INPP4A: variants seen among roughly 807,000 people sequenced by gnomAD.
INPP4A encodes inositol polyphosphate-4-phosphatase, type I, 107kD.
Under a neutral mutation model 119.8 loss-of-function variants are expected in INPP4A, and 33 were observed. That is an observed-to-expected ratio of 0.28 (90% CI 0.21 to 0.37). The LOEUF (loss-of-function observed/expected upper bound fraction) is 0.37, where lower values mean the gene tolerates loss of function less well. Among genes scored for constraint, INPP4A ranks in the 10% least tolerant of loss-of-function variants. The probability of loss-of-function intolerance (pLI) is 1.00; values close to 1 mark genes in which losing one functional copy is unlikely to be tolerated. For missense variants in INPP4A, 956 were observed against 1,289.9 expected (o/e 0.74, Z 3.97); for synonymous variants, 496 against 500.7 (o/e 0.99, Z 0.12).
intron 24 of INPP4A, chr2:98,581,632 G>A (rs776696470): frequency 4.9e-5 from 77 of 1,577,500 alleles, no homozygotes; most frequent in South Asian, 1.2e-4. Context: ...GTGCCCATCC[G>A]AGACTTAAGG....
chr2:98,517,786 A>G (rs1686428808), intron 1 of INPP4A, among the ~76,000 whole-genome samples: 1 of 152,324 alleles, frequency 6.6e-6, no homozygotes, highest in African/African-American at 2.4e-5. Context: ...CATGTTCTAT[A>G]CTATTGGCAA....
rs781715675 is a variant in INPP4A, at chr2:98,546,752, A to G, written c.1163+58A>G. The G allele has an allele frequency of 7.3e-6, 8 of 1,090,890 alleles. No homozygotes were observed. Among genetic ancestry groups the G allele is most frequent in the Middle Eastern group, 2.0e-4 (1 of 5,036 alleles). The allele number at this position is 1,090,890 out of a possible 1,614,324, so 67.6% of individuals were successfully genotyped here. ...ACAGCTTTCTGATGCTTCTTTTCTCAGTTTAAAATAAAATCAAAATATGAC... is the reference window on the plus strand; with the variant it reads ...ACAGCTTTCTGATGCTTCTTTTCTCGGTTTAAAATAAAATCAAAATATGAC... On this transcript the variant is annotated intron_variant, in intron 13 of 24. Coordinates refer to ENST00000409851, the MANE Select transcript of INPP4A (RefSeq NM_001134225.2). This position sits in a 1 kb window ranked among gnomAD's most constrained non-coding sequence, Gnocchi z 4.2.
chr2:98,506,621 TCTC>T (rs1272324354), intron 1 of INPP4A, among the ~76,000 whole-genome samples: 2 of 152,200 alleles, frequency 1.3e-5, no homozygotes, highest in Non-Finnish European at 2.9e-5. Context: ...AAGTTCTTGG[TCTC>T]CTCCTCTCTT....
chr2:98,581,948 T>C, intron 24 of INPP4A: 1 of 944,072 alleles, frequency 1.1e-6, no homozygotes, highest in Non-Finnish European at 1.5e-6. Flanking sequence ...CAAGAAGACT[T>C]GTTTGTTTAG....
rs1400664436 is a variant in INPP4A, at chr2:98,567,421, C to T, written c.2421-1150C>T. 7.9e-5 allele frequency among the ~76,000 whole-genome samples: 12 copies of T among 152,116 alleles called. 1 individual carries two copies. The highest frequency in any genetic ancestry group is 7.2e-4 in the Admixed American group (11 of 15,288). On this transcript the variant is annotated intron_variant, in intron 21 of 24. Coordinates refer to ENST00000409851, the MANE Select transcript of INPP4A (RefSeq NM_001134225.2). ...TGGGTTTGGACTGAGGGCACCAGCC[C>T]AGGAAGCAAAGCCCCAAAGGTGTGA...
intron 1 of INPP4A, among the ~76,000 whole-genome samples, chr2:98,465,802 C>T (rs1249184574): frequency 6.6e-6 from 1 of 152,164 alleles, no homozygotes; most frequent in Non-Finnish European, 1.5e-5. Flanking sequence ...GGCTGAGCCC[C>T]TGTTCCTGTG....
rs762368797 is a variant in INPP4A at position 98,533,359 on chromosome 2, C to T, written c.152-18C>T. 2.0e-6 allele frequency: 3 copies of T among 1,516,078 alleles called. No individual in the cohort carries two copies. Among genetic ancestry groups the T allele is most frequent in the Admixed American group, 1.7e-5 (1 of 59,858 alleles). 93.9% of individuals were successfully genotyped at this position (1,516,078 alleles called of 1,614,324 possible). A position where few individuals can be genotyped will look rare whatever the true frequency, so the allele number is the denominator to read the frequency against. On this transcript the variant is annotated intron_variant, in intron 4 of 24. Coordinates refer to ENST00000409851, the MANE Select transcript of INPP4A (RefSeq NM_001134225.2). Reference sequence around the variant, plus strand: ...CTGGTTTTAAAGGATTCATTTCTTTCCCGTGTTGATTCTGTAGCTTGCAGT... The same window carrying T: ...CTGGTTTTAAAGGATTCATTTCTTTTCCGTGTTGATTCTGTAGCTTGCAGT...
In INPP4A at chr2:98,514,492, G is replaced by A. The variant is rs186153764; in HGVS notation, c.-165-4472G>A. ...TGGTTGCCAGGGTAACCAATCCCAT[G>A]ATTAGAGGGCTGGAATTTACAGTCT... On this transcript the variant is annotated intron_variant, in intron 1 of 24. Transcript: ENST00000409851. Among the ~76,000 whole-genome samples, 432 of 152,266 alleles carry A rather than the reference G, an allele frequency of 2.8e-3. 2 individuals carry two copies. Among genetic ancestry groups the A allele is most frequent in the African/African-American group, 9.8e-3 (405 of 41,538 alleles).
intron 1 of INPP4A, among the ~76,000 whole-genome samples, chr2:98,477,741 C>T (rs1165407743): frequency 1.3e-5 from 2 of 152,248 alleles, no homozygotes; most frequent in Non-Finnish European, 2.9e-5. Context: ...CTCTACCTCA[C>T]CCTGCCTTTT....
In INPP4A at chr2:98,589,926, T is replaced by G. The variant is rs1054236570; in HGVS notation, c.*2318T>G. 5.1e-6 allele frequency: 1 copy of G among 196,992 alleles called. No individual in the cohort carries two copies. Among genetic ancestry groups the G allele is most frequent in the African/African-American group, 2.3e-5 (1 of 43,238 alleles). 12.2% of individuals were successfully genotyped at this position (196,992 alleles called of 1,614,324 possible). A position where few individuals can be genotyped will look rare whatever the true frequency, so the allele number is the denominator to read the frequency against. ...CTACAGAGCACAGTTGCCTTTAGTT[T>G]CCTTTAAAGATGTAAAAATATTGTA... is the stretch of plus-strand genomic sequence containing the variant. On this transcript the variant is annotated 3_prime_UTR_variant, in exon 25 of 25. Coordinates refer to ENST00000409851, the MANE Select transcript of INPP4A (RefSeq NM_001134225.2).
chr2:98,558,268 C>T (rs1259420572), intron 16 of INPP4A, among the ~76,000 whole-genome samples: 1 of 152,166 alleles, frequency 6.6e-6, no homozygotes, highest in Non-Finnish European at 1.5e-5. Context: ...GCTCCTAGAC[C>T]TTCCTCCTCA....
rs752878023 is a variant in INPP4A, at chr2:98,552,847, A to C, written c.1225A>C (p.Ile409Leu). Residue 409 changes from isoleucine to leucine, a missense_variant, in exon 14 of 25, where the codon ATC becomes CTC. By Grantham distance (5) the Ile-to-Leu change is conservative. Transcript: ENST00000409851. ...IPQDVVRAKE[I>L]IAQINTLKTQ... The stretch of plus-strand genomic sequence containing the variant: ...CCAGGATGTTGTCAGAGCCAAGGAG[A>C]TCATCGCCCAGATCAACACCCTGAA... The C allele has an allele frequency of 6.2e-7, 1 of 1,613,688 alleles. No homozygotes were observed. Among genetic ancestry groups the C allele is most frequent in the African/African-American group, 1.3e-5 (1 of 74,892 alleles).
intron 1 of INPP4A, among the ~76,000 whole-genome samples, chr2:98,448,795 A>G (rs1266190375): frequency 6.8e-6 from 1 of 147,944 alleles, no homozygotes; most frequent in Non-Finnish European, 1.5e-5. Flanking sequence ...GCTTGGACCT[A>G]CTCCACTCAG....
At chr2:98,455,969 C>T (rs571469194) in intron 1 of INPP4A, among the ~76,000 whole-genome samples, 47 of 152,312 alleles carry the variant, frequency 3.1e-4, no homozygotes, top group African/African-American at 5.8e-4. Context: ...TCCAGCCTCT[C>T]TCCATCACTC....
chr2:98,454,666 C>G (rs1234309990), intron 1 of INPP4A, among the ~76,000 whole-genome samples: 4 of 150,556 alleles, frequency 2.7e-5, no homozygotes, highest in Non-Finnish European at 5.9e-5. Flanking sequence ...ATTGTTGACT[C>G]CTGCTCAGGG....
intron 11 of INPP4A, among the ~76,000 whole-genome samples, chr2:98,544,982 C>G (rs1482390346): frequency 6.6e-6 from 1 of 152,248 alleles, no homozygotes. Context: ...GGAACCCACA[C>G]AACCTTGAGT....
At chr2:98,510,200 T>C (rs1203403983) in intron 1 of INPP4A, among the ~76,000 whole-genome samples, 1 of 152,010 alleles carries the variant, frequency 6.6e-6, no homozygotes, top group South Asian at 2.1e-4. Flanking sequence ...ATAGAGCTAA[T>C]AGAGTTGTCA....
At chr2:98,576,106 G>C (rs1024397357) in intron 23 of INPP4A, among the ~76,000 whole-genome samples, 5 of 152,198 alleles carry the variant, frequency 3.3e-5, no homozygotes, top group Non-Finnish European at 7.3e-5. Context: ...TACATAAAAT[G>C]GGATAAGTAA....
intron 10 of INPP4A, among the ~76,000 whole-genome samples, 181 bp from the exon 11 acceptor site, chr2:98,543,681 TCTGCTTTTCATGTAG>T (rs940238502): frequency 6.6e-5 from 10 of 152,192 alleles, no homozygotes; most frequent in African/African-American, 2.4e-4. Context: ...TGGTCAGTGG[TCTGCTTTTCATGTAG>T]CTGTCTGTCC....
Sources: gnomAD v4.1 joint callset for allele counts (sites outside exome capture counted in the v4.1 genomes callset) on GRCh38, gnomAD v4.1.1 for gene constraint, Gnocchi (gnomAD v3.1) non-coding constraint, MANE v1.5 for transcripts, NCBI Gene and HGNC (gene_info 2026-07-23, HGNC 2026-07-21) for gene names.